Variants in ASIC2 observed in about 807,000 individuals in gnomAD.
ASIC2 encodes acid sensing ion channel subunit 2.
A neutral mutation model predicts 57.3 loss-of-function variants in ASIC2; 25 were observed. The ratio of observed to expected loss-of-function variants is 0.44; its 90% confidence interval spans 0.32 to 0.61. The LOEUF is 0.61. Among genes scored for constraint, ASIC2 ranks in the 20% least tolerant of loss-of-function variants. ASIC2 has a pLI of 0.06. For missense variants in ASIC2, 641 were observed against 738.1 expected, an observed-to-expected ratio of 0.87 and a Z score of 1.52; for synonymous variants, 319 against 307.5, an observed-to-expected ratio of 1.04 and a Z score of -0.39.
intron 1 of ASIC2, among the ~76,000 whole-genome samples, chr17:33,681,807 T>G (rs1908009252): frequency 6.6e-6 from 1 of 152,222 alleles, no homozygotes; most frequent in Non-Finnish European, 1.5e-5. Context: ...CTGGAATTAT[T>G]AATTCACTGT....
intron 1 of ASIC2, among the ~76,000 whole-genome samples, chr17:33,985,060 C>T (rs951945556): frequency 5.9e-5 from 9 of 152,106 alleles, no homozygotes; most frequent in African/African-American, 1.9e-4. Context: ...ATATGGGGCT[C>T]ATTACTCCAA....
At chr17:33,720,309 T>C (rs900984544) in intron 1 of ASIC2, among the ~76,000 whole-genome samples, 4 of 152,238 alleles carry the variant, frequency 2.6e-5, no homozygotes, top group African/African-American at 7.2e-5. Flanking sequence ...TGAGTTTTCT[T>C]TGATGCCTAT....
At chr17:34,080,972 C>T (rs1344205442) in intron 1 of ASIC2, 3 of 152,146 alleles carry the variant, frequency 2.0e-5, no homozygotes, top group African/African-American at 7.2e-5. Flanking sequence ...TGAAGACTCC[C>T]TTCTTCTAAA....
chr17:34,152,911 C>G (rs1567617750), intron 1 of ASIC2, among the ~76,000 whole-genome samples: 2 of 149,568 alleles, frequency 1.3e-5, no homozygotes, highest in Non-Finnish European at 3.0e-5. Flanking sequence ...AAGCTGTCTT[C>G]TGCTTTTCCA....
chr17:33,718,657 C>T (rs1444854234), intron 1 of ASIC2, among the ~76,000 whole-genome samples: 5 of 152,116 alleles, frequency 3.3e-5, no homozygotes, highest in African/African-American at 1.2e-4. Flanking sequence ...CCTAACATGC[C>T]TCCGCAGAGA....
intron 3 of ASIC2, among the ~76,000 whole-genome samples, chr17:33,078,292 C>T (rs557811544): frequency 6.6e-6 from 1 of 152,276 alleles, no homozygotes; most frequent in Admixed American, 6.5e-5. Flanking sequence ...GGGTGGGCAC[C>T]ACCAAGGGTC....
chr17:33,974,510 C>T lies in ASIC2; in HGVS notation c.555+181468G>A, dbSNP rs73990111. Among the ~76,000 whole-genome samples the T allele has an allele frequency of 3.6e-3, 544 of 152,172 alleles. 5 individuals carry two copies. Among genetic ancestry groups the T allele is most frequent in the Admixed American group, 0.027 (411 of 15,274 alleles). ...GTGGTATCCATCAAGGTATGCTGCC[C>T]GGCAGGTGGACAGGAGACTTAGGCA... is the stretch of plus-strand genomic sequence containing the variant. On this transcript the variant is annotated intron_variant, in intron 1 of 9. Transcript: ENST00000359872.
intron 1 of ASIC2, among the ~76,000 whole-genome samples, chr17:33,759,960 A>T (rs1388221718): frequency 6.6e-6 from 1 of 152,028 alleles, no homozygotes; most frequent in Non-Finnish European, 1.5e-5. Context: ...ATGGGAACAC[A>T]CTCTCACCAG....
At chr17:34,083,961 A>G (rs1400206012) in intron 1 of ASIC2, among the ~76,000 whole-genome samples, 3 of 151,808 alleles carry the variant, frequency 2.0e-5, no homozygotes, top group East Asian at 1.9e-4. Flanking sequence ...ATTTTCTCCC[A>G]TTCTGTAGGT....
intron 3 of ASIC2, among the ~76,000 whole-genome samples, chr17:33,084,210 A>G (rs1005547925): frequency 2.6e-5 from 4 of 152,162 alleles, no homozygotes; most frequent in Admixed American, 2.6e-4. Context: ...ATCTCATGGA[A>G]TCTTCTCATT....
chr17:33,016,550 TAC>T (rs1295050623), intron 8 of ASIC2, among the ~76,000 whole-genome samples: 1 of 152,194 alleles, frequency 6.6e-6, no homozygotes. Context: ...CATAACTGTG[TAC>T]AGTTTTCCAC....
chr17:33,086,660 C>A (rs2092134955), intron 3 of ASIC2, among the ~76,000 whole-genome samples: 1 of 152,160 alleles, frequency 6.6e-6, no homozygotes, highest in Non-Finnish European at 1.5e-5. Context: ...TAGTTTCTAA[C>A]AGCCCAAGGT....
At chr17:33,021,704 G>T (rs2091836304) in intron 6 of ASIC2, among the ~76,000 whole-genome samples, 1 of 152,220 alleles carries the variant, frequency 6.6e-6, no homozygotes. Context: ...GACCTCATGG[G>T]CAGCCCCTGC....
rs374692502 is a variant in ASIC2 at position 33,236,087 on chromosome 17, G to A, written c.708+55321C>T. On this transcript the variant is annotated intron_variant, in intron 1 of 9. Transcript: ENST00000225823. ...CTTGACCACATGATCTGCCTGCCTC[G>A]GCCTCCCAGAGTGCTGGGATTACAG... 2.6e-5 allele frequency among the ~76,000 whole-genome samples: 4 copies of A among 151,766 alleles called. No homozygotes were observed. The South Asian group carries it at 8.3e-4, about 32-fold the overall frequency.
intron 1 of ASIC2, among the ~76,000 whole-genome samples, chr17:33,454,091 C>T (rs996856476): frequency 1.3e-5 from 2 of 152,200 alleles, no homozygotes; most frequent in Non-Finnish European, 2.9e-5. Context: ...CCTACAAGTG[C>T]TCATATGCTG....
In ASIC2 at chr17:33,647,475, C is replaced by G. The variant is rs188478067; in HGVS notation, c.555+508503G>C. Among the ~76,000 whole-genome samples the G allele has an allele frequency of 2.2e-3, 337 of 152,292 alleles. 2 individuals are homozygous for G. Among genetic ancestry groups the G allele is most frequent in the Middle Eastern group, 3.4e-3 (1 of 294 alleles). ...GCAGGAGAGAACTCTGCTGGGCACA[C>G]TGTAGGGCACCAGCTTGTCTTCTTC... On this transcript the variant is annotated intron_variant, in intron 1 of 9. Transcript: ENST00000359872.
chr17:33,518,171 G>C (rs1344071026), intron 1 of ASIC2, among the ~76,000 whole-genome samples: 1 of 152,230 alleles, frequency 6.6e-6, no homozygotes, highest in African/African-American at 2.4e-5. Flanking sequence ...TTGGCTATCA[G>C]TCCTGAGCTC....
intron 1 of ASIC2, among the ~76,000 whole-genome samples, chr17:34,140,026 C>T (rs1912230535): frequency 6.6e-6 from 1 of 152,108 alleles, no homozygotes; most frequent in Admixed American, 6.5e-5. Context: ...TTGATTGTAT[C>T]TTCAATGGGT....
chr17:33,750,357 G>A (rs1175415842), intron 1 of ASIC2, among the ~76,000 whole-genome samples: 3 of 149,518 alleles, frequency 2.0e-5, no homozygotes, highest in East Asian at 3.9e-4. Flanking sequence ...CCTGAGGTTT[G>A]GTAGACTGAT....
Sources: gnomAD v4.1 joint callset for allele counts (sites outside exome capture counted in the v4.1 genomes callset) on GRCh38, gnomAD v4.1.1 for gene constraint, MANE v1.5 for transcripts, NCBI Gene and HGNC (gene_info 2026-07-23, HGNC 2026-07-21) for gene names.